Variants in FBXO2 observed in about 807,000 individuals in gnomAD.
The protein encoded by FBXO2 is F-box protein 2.
A neutral mutation model predicts 38.6 loss-of-function variants in FBXO2; 32 were observed. That is an observed-to-expected ratio of 0.83 (90% CI 0.62 to 1.11). The LOEUF is 1.11. FBXO2 is among the 50% of genes most tolerant of loss of function. The probability of loss-of-function intolerance (pLI) is 0.00; values close to 1 mark genes in which losing one functional copy is unlikely to be tolerated. For synonymous variants in FBXO2, 189 were observed against 182.9 expected (o/e 1.03, Z -0.27); for missense variants, 450 against 418.3 (o/e 1.08, Z -0.66).
Position 11,648,920 on chromosome 1 carries a change from C to T in FBXO2, c.757-92G>A, listed in dbSNP as rs1209217779. On this transcript the variant is annotated intron_variant, in intron 5 of 5. Transcript: ENST00000354287. The surrounding 1 kb of genome is among the most constrained non-coding windows in gnomAD (Gnocchi z 4.2). ...TACACCGACCGACCTGCAGCTCCCC[C>T]ACTCGGTTTCTCCGCGGTATTCAGA... 5 of 1,557,548 alleles carry T rather than the reference C, an allele frequency of 3.2e-6. No individual in the cohort carries two copies. The highest frequency in any genetic ancestry group is 1.4e-5 in the African/African-American group (1 of 73,980).
Position 11,650,463 on chromosome 1 carries a change from C to T in FBXO2, c.391+3G>A, listed in dbSNP as rs374468653. The T allele has an allele frequency of 6.2e-7, 1 of 1,608,100 alleles. No individual in the cohort carries two copies. Among genetic ancestry groups the T allele is most frequent in the South Asian group, 1.1e-5 (1 of 90,020 alleles). ...CTGAGCTCGCCCAGCGAGGGCCTCT[C>T]ACCTTCCCCACACGGGTTACGCAGA... On this transcript the variant is annotated splice_donor_region_variant and intron_variant, in intron 2 of 5. Transcript: ENST00000354287.
chr1:11,648,981 C>CCCAGT lies in FBXO2; in HGVS notation c.756+105_756+106insACTGG. 7.3e-7 allele frequency: 1 copy of CCCAGT among 1,372,204 alleles called. No homozygotes were observed. The highest frequency in any genetic ancestry group is 1.0e-6 in the Non-Finnish European group (1 of 1,003,390). 85.0% of individuals were successfully genotyped at this position (1,372,204 alleles called of 1,614,324 possible). A position where few individuals can be genotyped will look rare whatever the true frequency, so the allele number is the denominator to read the frequency against. On this transcript the variant is annotated intron_variant, in intron 5 of 5. Transcript: ENST00000354287. The surrounding 1 kb of genome is among the most constrained non-coding windows in gnomAD (Gnocchi z 4.2). ...CCACCCGGTGACTATCTCAGCCCAG[C>CCCAGT]CCAGCCCAGCCCACCCCAGCCCAGG...
chr1:11,651,603 C>T (rs955921983), intron 1 of FBXO2, among the ~76,000 whole-genome samples: 1 of 152,196 alleles, frequency 6.6e-6, no homozygotes, highest in African/African-American at 2.4e-5. Context: ...GTGGTTGGAG[C>T]CTGGATTTGA....
intron 2 of FBXO2, 147 bp from the exon 3 acceptor site, chr1:11,650,221 C>CT (rs1222777659): frequency 7.3e-7 from 1 of 1,361,310 alleles, no homozygotes; most frequent in African/African-American, 1.5e-5. Flanking sequence ...TGGGCAGTTT[C>CT]TAAATCTGCC....
rs888586565 is a variant in FBXO2, at chr1:11,648,657, C to A, written c.*37G>T. On this transcript the variant is annotated 3_prime_UTR_variant, in exon 6 of 6. Coordinates refer to ENST00000354287, the MANE Select transcript of FBXO2 (RefSeq NM_012168.6). The surrounding 1 kb of genome is among the most constrained non-coding windows in gnomAD (Gnocchi z 4.2). ...GGCCTATCTACCCTCGACCTTTGCC[C>A]CTCCAGGCAGCTGGGGGAGAGTGGA... 9 of 1,608,736 alleles carry A rather than the reference C, an allele frequency of 5.6e-6. No homozygotes were observed. The highest frequency in any genetic ancestry group is 7.7e-6 in the Non-Finnish European group (9 of 1,176,466).
At chr1:11,652,728 C>T (rs1031929775) in intron 1 of FBXO2, among the ~76,000 whole-genome samples, 1 of 152,146 alleles carries the variant, frequency 6.6e-6, no homozygotes, top group African/African-American at 2.4e-5. Context: ...AGAGCCAAGG[C>T]GGTGGTGGGA....
chr1:11,648,852 C>A lies in FBXO2; in HGVS notation c.757-24G>T, dbSNP rs376649424. ...ATCTGGGGGTGGAGGTAACAAGAGT[C>A]AGCCTCGGAGGTCCTGAGGCCTCTC... On this transcript the variant is annotated intron_variant, in intron 5 of 5. Transcript: ENST00000354287. This position sits in a 1 kb window ranked among gnomAD's most constrained non-coding sequence, Gnocchi z 4.2. 1.2e-6 allele frequency: 2 copies of A among 1,612,782 alleles called. No individual in the cohort carries two copies. The highest frequency in any genetic ancestry group is 1.7e-6 in the Non-Finnish European group (2 of 1,179,704).
Position 11,650,518 on chromosome 1 carries a change from G to C in FBXO2, c.339C>G (p.Phe113Leu). Residue 113 changes from phenylalanine to leucine, a missense_variant, in exon 2 of 6, where the codon TTC (phenylalanine) becomes TTG (leucine). Transcript: ENST00000354287. ...TGCGGCGCCGCTTGCTCAGGAAGTA[G>C]AACTGCTGCCAGTGGTCGCGCTCCT... ...VEEERDHWQQFYFLSKRRRNL... is the reference protein window; with the variant it reads ...VEEERDHWQQLYFLSKRRRNL... 6.2e-7 allele frequency: 1 copy of C among 1,606,702 alleles called. No homozygotes were observed. The highest frequency in any genetic ancestry group is 8.5e-7 in the Non-Finnish European group (1 of 1,177,648).
chr1:11,653,933 G>A (rs1639597365), intron 1 of FBXO2: 1 of 197,982 alleles, frequency 5.1e-6, no homozygotes, highest in Admixed American at 6.1e-5. Flanking sequence ...GAACCCACGG[G>A]GATTCAGACG....
chr1:11,654,211 G>T, intron 1 of FBXO2, 108 bp downstream of exon 1: 1 of 1,244,178 alleles, frequency 8.0e-7, no homozygotes, highest in Non-Finnish European at 1.1e-6. Flanking sequence ...AAAGTTTGCC[G>T]CGCCAGGTCT....
intron 1 of FBXO2, 130 bp downstream of exon 1, chr1:11,654,189 T>C (rs1639609016): frequency 9.6e-6 from 10 of 1,039,006 alleles, no homozygotes; most frequent in Non-Finnish European, 1.2e-5. Context: ...CCTCTAGGGC[T>C]TCGCTGGCGT....
chr1:11,654,149 A>G (rs563352576), intron 1 of FBXO2, 170 bp downstream of exon 1: 48 of 662,124 alleles, frequency 7.2e-5, no homozygotes, highest in Middle Eastern at 2.8e-4. Context: ...CCAGACCAAG[A>G]TAGCAGAGAG....
rs1037850751 is a variant in FBXO2 at position 11,649,250 on chromosome 1, G to C, written c.618-25C>G. ...CCTGCTCAGAGGGAGGGAGCGAGGTGGGGGGCGGGAGGTGGGGTGGGGGCA... is the reference window on the plus strand; with the variant it reads ...CCTGCTCAGAGGGAGGGAGCGAGGTCGGGGGCGGGAGGTGGGGTGGGGGCA... On this transcript the variant is annotated intron_variant, in intron 4 of 5. Coordinates refer to ENST00000354287, the MANE Select transcript of FBXO2 (RefSeq NM_012168.6). The C allele has an allele frequency of 6.0e-6, 9 of 1,503,656 alleles. No homozygotes were observed. The East Asian group carries it at 9.9e-5, about 17-fold the overall frequency. The allele number at this position is 1,503,656 out of a possible 1,614,324, so 93.1% of individuals were successfully genotyped here.
In FBXO2 at chr1:11,650,000, CACT is replaced by C. The variant is rs1366143242; in HGVS notation, c.463_465del (p.Ser155del). The C allele has an allele frequency of 6.2e-7, 1 of 1,613,954 alleles. No individual in the cohort carries two copies. The highest frequency in any genetic ancestry group is 2.2e-5 in the East Asian group (1 of 44,892). ...CTCTCATCGTGGGTGAACTCCACCCCACTGTCTCCAGGCAGCTCCTCCACCCTC... is the reference window on the plus strand; with the variant it reads ...CTCTCATCGTGGGTGAACTCCACCCCGTCTCCAGGCAGCTCCTCCACCCTC... On this transcript the variant is annotated inframe_deletion, in exon 3 of 6. Coordinates refer to ENST00000354287, the MANE Select transcript of FBXO2 (RefSeq NM_012168.6).
chr1:11,654,286 C>T (rs770560287), intron 1 of FBXO2, 33 bp downstream of exon 1: 27 of 1,489,224 alleles, frequency 1.8e-5, no homozygotes, highest in Middle Eastern at 1.8e-4. Context: ...ATCTCCCCTC[C>T]CCGCCGCAGC....
chr1:11,654,222 C>G, intron 1 of FBXO2, 97 bp downstream of exon 1: 1 of 1,347,492 alleles, frequency 7.4e-7, no homozygotes. Flanking sequence ...CGCCAGGTCT[C>G]CGGGTCCCCT....
At chr1:11,654,278 C>T (rs1163792925) in intron 1 of FBXO2, 41 bp downstream of exon 1, 8 of 1,487,954 alleles carry the variant, frequency 5.4e-6, no homozygotes, top group Non-Finnish European at 7.1e-6. Context: ...CCGACCCCAT[C>T]TCCCCTCCCC....
Sources: allele counts gnomAD v4.1 joint callset (sites outside exome capture counted in the v4.1 genomes callset), GRCh38; gene constraint gnomAD v4.1.1; non-coding constraint Gnocchi (gnomAD v3.1); transcripts MANE v1.5; gene names NCBI Gene and HGNC (gene_info 2026-07-23, HGNC 2026-07-21).